The following GRM5 variants were observed in gnomAD, a reference collection of about 807,000 sequenced individuals.
GRM5 encodes the protein glutamate metabotropic receptor 5.
GRM5 carries 19 observed loss-of-function variants against 83.1 expected under a neutral mutation model. That is an observed-to-expected ratio of 0.23 (90% confidence interval 0.16 to 0.34). The LOEUF is 0.34. Among genes scored for constraint, GRM5 ranks in the 10% least tolerant of loss-of-function variants. The pLI is 1.00. For synonymous variants in GRM5, 675 were observed against 633.6 expected (o/e 1.07, Z -0.98); for missense variants, 1,160 against 1,588.3 (o/e 0.73, Z 4.58).
chr11:88,635,653 T>C (rs534060598), intron 4 of GRM5, among the ~76,000 whole-genome samples: 1 of 152,232 alleles, frequency 6.6e-6, no homozygotes, highest in African/African-American at 2.4e-5. Flanking sequence ...ACTCTGTTGA[T>C]TGTTTCCTTT....
At chr11:88,597,132 T>C in intron 6 of GRM5, 52 bp downstream of exon 6, 1 of 1,198,370 alleles carries the variant, frequency 8.3e-7, no homozygotes, top group Non-Finnish European at 1.2e-6. Context: ...CAATGATAGT[T>C]AACACTGTTG....
intron 2 of GRM5, among the ~76,000 whole-genome samples, chr11:88,918,174 C>A (rs1334866792): frequency 1.3e-5 from 2 of 151,574 alleles, no homozygotes; most frequent in Admixed American, 6.6e-5. Context: ...GTGGCATGAC[C>A]TATCTAAAAT....
chr11:88,679,117 A>C (rs1413163326), intron 3 of GRM5, among the ~76,000 whole-genome samples: 1 of 152,210 alleles, frequency 6.6e-6, no homozygotes. Context: ...TACAATATGA[A>C]AAATTACAGA....
At chr11:89,008,730 A>C (rs1402393082) in intron 2 of GRM5, among the ~76,000 whole-genome samples, 2 of 152,106 alleles carry the variant, frequency 1.3e-5, no homozygotes, top group Non-Finnish European at 2.9e-5. Context: ...TGCTATTTCT[A>C]ATTCAAACTC....
chr11:88,764,984 G>A (rs1942600150), intron 3 of GRM5, among the ~76,000 whole-genome samples: 1 of 151,212 alleles, frequency 6.6e-6, no homozygotes. Context: ...AAGGGGAGAA[G>A]ACTCAATTAC....
intron 2 of GRM5, among the ~76,000 whole-genome samples, chr11:89,012,631 C>CA (rs1394395091): frequency 6.6e-6 from 1 of 152,152 alleles, no homozygotes; most frequent in African/African-American, 2.4e-5. Flanking sequence ...CTTTGATAGC[C>CA]AATGTCCTAA....
intron 3 of GRM5, among the ~76,000 whole-genome samples, chr11:88,737,636 T>C (rs1053841679): frequency 4.1e-4 from 62 of 151,994 alleles, no homozygotes; most frequent in African/African-American, 1.4e-3. Context: ...AATAGTTACA[T>C]GAGAGTCTTG....
intron 3 of GRM5, among the ~76,000 whole-genome samples, chr11:88,766,312 C>T (rs932988997): frequency 2.0e-5 from 3 of 151,932 alleles, no homozygotes; most frequent in African/African-American, 7.2e-5. Context: ...AACTATACTA[C>T]GGGGCTCCCA....
At chr11:88,593,099 C>T (rs1368918280) in intron 6 of GRM5, among the ~76,000 whole-genome samples, 2 of 152,178 alleles carry the variant, frequency 1.3e-5, no homozygotes, top group African/African-American at 2.4e-5. Context: ...AAATTATACT[C>T]ATGAGCCACT....
At chr11:89,023,190 T>C (rs1941031551) in intron 2 of GRM5, among the ~76,000 whole-genome samples, 1 of 151,944 alleles carries the variant, frequency 6.6e-6, no homozygotes, top group Admixed American at 6.6e-5. Flanking sequence ...TGTGCGTTCA[T>C]TGTGTGGGTA....
rs530777503 is a variant in GRM5, at chr11:88,869,751, C to A, written c.662-19596G>T. ...TATTCTCTTCAAAAATGTGAGCCAA[C>A]AGCAGTCATTAGTCATGGTTCCAAC... On this transcript the variant is annotated intron_variant, in intron 2 of 9. Coordinates refer to ENST00000305447, the MANE Select transcript of GRM5 (RefSeq NM_001143831.3). Among the ~76,000 whole-genome samples, 9 of 151,470 alleles carry A rather than the reference C, an allele frequency of 5.9e-5. No homozygotes were observed. The Middle Eastern group carries it at 0.01, about 172-fold the overall frequency.
intron 3 of GRM5, among the ~76,000 whole-genome samples, chr11:88,725,080 C>G (rs548220838): frequency 6.6e-6 from 1 of 152,242 alleles, no homozygotes; most frequent in East Asian, 1.9e-4. Context: ...GGGCTGAAGC[C>G]AGGGAGCCAA....
At chr11:88,925,054 T>C (rs1945762628) in intron 2 of GRM5, among the ~76,000 whole-genome samples, 1 of 152,122 alleles carries the variant, frequency 6.6e-6, no homozygotes, top group Non-Finnish European at 1.5e-5. Context: ...CATGTGTTTT[T>C]ATTAAAATTA....
chr11:88,537,180 T>A (rs181139548), intron 8 of GRM5, among the ~76,000 whole-genome samples: 1 of 152,320 alleles, frequency 6.6e-6, no homozygotes, highest in African/African-American at 2.4e-5. Context: ...AAGTTAATAG[T>A]GTATACTTAG....
intron 8 of GRM5, among the ~76,000 whole-genome samples, chr11:88,556,319 C>CT (rs774209529): frequency 0.16 from 22,485 of 139,162 alleles, 2,328 homozygotes; most frequent in African/African-American, 0.33. Flanking sequence ...ACATTCTTTT[C>CT]TTTTCTTTTT....
At chr11:89,013,132 G>T (rs12274701) in intron 2 of GRM5, among the ~76,000 whole-genome samples, 3,315 of 152,252 alleles carry the variant, frequency 0.022, 122 homozygotes, top group African/African-American at 0.076. Flanking sequence ...GTTAAGATCA[G>T]ACTTTAAGAT....
chr11:88,771,626 G>A (rs1942738883), intron 3 of GRM5, among the ~76,000 whole-genome samples: 1 of 152,028 alleles, frequency 6.6e-6, no homozygotes, highest in Admixed American at 6.6e-5. Flanking sequence ...TTCCTCTCCA[G>A]TCCACTGACT....
At chr11:88,554,097 G>A (rs1942570587) in intron 8 of GRM5, among the ~76,000 whole-genome samples, 2 of 152,124 alleles carry the variant, frequency 1.3e-5, no homozygotes, top group South Asian at 4.1e-4. Context: ...AGGCTGAAAT[G>A]GCTTCCACTG....
intron 2 of GRM5, among the ~76,000 whole-genome samples, chr11:88,996,658 T>C (rs1385256301): frequency 6.6e-6 from 1 of 152,168 alleles, no homozygotes; most frequent in Non-Finnish European, 1.5e-5. Context: ...ACATATCTAG[T>C]AAAACATCTA....
Sources: gnomAD v4.1 joint callset for allele counts (sites outside exome capture counted in the v4.1 genomes callset) on GRCh38, gnomAD v4.1.1 for gene constraint, MANE v1.5 for transcripts, NCBI Gene and HGNC (gene_info 2026-07-23, HGNC 2026-07-21) for gene names.